Variants in TNIK observed in about 807,000 individuals in gnomAD.
The protein encoded by TNIK is TRAF2 and NCK interacting kinase, also known as TRAF2 and NCK-interacting protein kinase.
A neutral mutation model predicts 191.3 loss-of-function variants in TNIK; 49 were observed. The observed-to-expected ratio is 0.26, with a 90% CI of 0.20 to 0.32. TNIK has a LOEUF of 0.32. Ranked by LOEUF, TNIK falls within the 10% of genes least tolerant of loss-of-function variation. The pLI, the probability that TNIK is intolerant of heterozygous loss-of-function variation, is 1.00. For missense variants in TNIK, 1,155 were observed against 1,702.3 expected (o/e 0.68, Z 5.66); for synonymous variants, 594 against 600.9 (o/e 0.99, Z 0.17).
intron 2 of TNIK, among the ~76,000 whole-genome samples, chr3:171,359,128 C>CGATAT (rs1406413180): frequency 2.0e-5 from 3 of 152,052 alleles, no homozygotes; most frequent in Non-Finnish European, 4.4e-5. Context: ...ACTGTATGTA[C>CGATAT]GTTCTACGAT....
At chr3:171,457,556 T>C (rs965782707) in intron 1 of TNIK, among the ~76,000 whole-genome samples, 1 of 152,132 alleles carries the variant, frequency 6.6e-6, no homozygotes, top group South Asian at 2.1e-4. Flanking sequence ...AGACATCTCA[T>C]CTAGATGAGG....
intron 23 of TNIK, among the ~76,000 whole-genome samples, chr3:171,093,429 T>C (rs1300755988): frequency 1.3e-5 from 2 of 152,120 alleles, no homozygotes; most frequent in Non-Finnish European, 2.9e-5. Flanking sequence ...CTTGGAACTA[T>C]TGAGCATTTT....
At chr3:171,375,880 G>A (rs924871838) in intron 1 of TNIK, among the ~76,000 whole-genome samples, 11 of 151,954 alleles carry the variant, frequency 7.2e-5, no homozygotes, top group African/African-American at 1.5e-4. Context: ...CCTCCAAAAC[G>A]CCTCTTAAAG....
chr3:171,155,327 G>A (rs1733024604), intron 12 of TNIK, among the ~76,000 whole-genome samples: 2 of 152,138 alleles, frequency 1.3e-5, no homozygotes. Context: ...TCATGACTAA[G>A]GGGTTCAGAA....
chr3:171,277,292 A>G (rs75086243), intron 2 of TNIK, among the ~76,000 whole-genome samples: 9,065 of 152,288 alleles, frequency 0.06, 314 homozygotes, highest in Middle Eastern at 0.12. Flanking sequence ...TCATTTCTCT[A>G]TAAATTATGG....
At chr3:171,415,841 C>T (rs1247171731) in intron 1 of TNIK, among the ~76,000 whole-genome samples, 2 of 151,262 alleles carry the variant, frequency 1.3e-5, no homozygotes, top group African/African-American at 4.9e-5. Flanking sequence ...ATTAGCCAGG[C>T]GTGGTGGCTC....
chr3:171,117,652 C>T (rs1726950922), intron 18 of TNIK, among the ~76,000 whole-genome samples: 1 of 152,138 alleles, frequency 6.6e-6, no homozygotes. Flanking sequence ...ATAGCTGTAC[C>T]TGCTCAATAA....
chr3:171,220,810 T>C (rs114746490), intron 3 of TNIK, among the ~76,000 whole-genome samples: 83 of 152,304 alleles, frequency 5.4e-4, no homozygotes, highest in Non-Finnish European at 9.6e-4. Context: ...AAAAATATTT[T>C]TAAAAACTAT....
chr3:171,107,618 A>C (rs998345521), intron 20 of TNIK, among the ~76,000 whole-genome samples: 1 of 152,216 alleles, frequency 6.6e-6, no homozygotes, highest in African/African-American at 2.4e-5. Context: ...CTGCTTAAAA[A>C]GTTTGGTCCA....
chr3:171,205,481 G>A (rs1044108461), intron 4 of TNIK, among the ~76,000 whole-genome samples: 4 of 152,138 alleles, frequency 2.6e-5, no homozygotes, highest in African/African-American at 9.7e-5. Context: ...GCAGTTAATT[G>A]CATTTAATTG....
At chr3:171,355,891 C>T (rs1428242285) in intron 2 of TNIK, among the ~76,000 whole-genome samples, 1 of 152,094 alleles carries the variant, frequency 6.6e-6, no homozygotes, top group East Asian at 1.9e-4. Context: ...TCCCCACCCT[C>T]AACCCCAAAC....
chr3:171,128,646 A>T (rs1728808618), intron 16 of TNIK, 68 bp downstream of exon 16: 11 of 1,513,338 alleles, frequency 7.3e-6, no homozygotes, highest in Non-Finnish European at 9.8e-6. Context: ...ACAATTCCCT[A>T]GGCTTTTAAT....
At chr3:171,312,457 T>A (rs1419404485) in intron 2 of TNIK, among the ~76,000 whole-genome samples, 1 of 152,086 alleles carries the variant, frequency 6.6e-6, no homozygotes, top group African/African-American at 2.4e-5. Context: ...TGCCCTCCGT[T>A]AGGTCTCAGA....
chr3:171,240,281 T>C (rs982857831), intron 2 of TNIK, among the ~76,000 whole-genome samples: 8 of 152,132 alleles, frequency 5.3e-5, no homozygotes, highest in African/African-American at 1.4e-4. Flanking sequence ...GAGAATTGAC[T>C]ATCTGTAGCT....
intron 18 of TNIK, among the ~76,000 whole-genome samples, chr3:171,117,666 A>G (rs1726953894): frequency 6.6e-6 from 1 of 152,270 alleles, no homozygotes; most frequent in South Asian, 2.1e-4. Context: ...TCAATAATGT[A>G]TATAGTTAAA....
intron 18 of TNIK, among the ~76,000 whole-genome samples, chr3:171,111,537 AG>A (rs1345435250): frequency 1.3e-5 from 2 of 152,212 alleles, no homozygotes; most frequent in African/African-American, 4.8e-5. Flanking sequence ...TGCAGAGAAG[AG>A]GGAACCCTTG....
At chr3:171,125,776 G>C in intron 17 of TNIK, 136 bp downstream of exon 17, 5 of 1,329,762 alleles carry the variant, frequency 3.8e-6, no homozygotes, top group Non-Finnish European at 5.1e-6. Flanking sequence ...GGAATGAAGA[G>C]GGACCAAAAC....
chr3:171,244,911 TTAC>T (rs777204713), intron 2 of TNIK, among the ~76,000 whole-genome samples: 12 of 151,830 alleles, frequency 7.9e-5, no homozygotes, highest in Admixed American at 3.3e-4. Flanking sequence ...AGGCTTGAAA[TTAC>T]TACAAGATTA....
chr3:171,091,981 G>A (rs1380150933), intron 23 of TNIK, among the ~76,000 whole-genome samples: 2 of 145,942 alleles, frequency 1.4e-5, no homozygotes, highest in East Asian at 4.0e-4. Context: ...ACAGAGTCTC[G>A]TTCTGTCGCC....
Sources: allele counts gnomAD v4.1 joint callset (sites outside exome capture counted in the v4.1 genomes callset), GRCh38; gene constraint gnomAD v4.1.1; transcripts MANE v1.5; gene names NCBI Gene and HGNC (gene_info 2026-07-23, HGNC 2026-07-21).